Variants in CSPP1 observed in about 807,000 individuals in gnomAD.
CSPP1 encodes centrosome and spindle pole-associated protein 1.
A neutral mutation model predicts 164.4 loss-of-function variants in CSPP1; 126 were observed. The observed-to-expected ratio is 0.77, with a 90% CI of 0.66 to 0.89. CSPP1 has a LOEUF of 0.89. Among genes scored for constraint, CSPP1 ranks in the 40% least tolerant of loss-of-function variants. The pLI, the probability that CSPP1 is intolerant of heterozygous loss-of-function variation, is 0.00. For missense variants in CSPP1, 1,395 were observed against 1,449.8 expected (o/e 0.96, Z 0.61); for synonymous variants, 472 against 476.7 (o/e 0.99, Z 0.13).
intron 24 of CSPP1, among the ~76,000 whole-genome samples, chr8:67,167,186 A>G (rs1177950827): frequency 6.6e-6 from 1 of 152,184 alleles, no homozygotes; most frequent in Non-Finnish European, 1.5e-5. Context: ...CCCCTTTTCT[A>G]TTTGACAAAA....
rs370606990 is a variant in CSPP1 at position 67,193,559 on chromosome 8, A to T, written c.3426A>T (p.Arg1142=). The change falls in exon 30 of 31, where the codon CGA becomes CGT. Residue 1142 remains arginine (R), a synonymous_variant. Coordinates refer to ENST00000678616, the MANE Select transcript of CSPP1 (RefSeq NM_001382391.1). ...AGCTTAGAGTGAGAAATGAGGAACG[A>T]ATGCGAAGACTGAATGAATTTCACA... ...VDELRVRNEE[R]MRRLNEFHNK... The T allele has an allele frequency of 1.2e-6, 2 of 1,613,820 alleles. No homozygotes were observed. Among genetic ancestry groups the T allele is most frequent in the Non-Finnish European group, 1.7e-6 (2 of 1,179,812 alleles).
In CSPP1 at chr8:67,163,861, T is replaced by A. The variant is rs567786179; in HGVS notation, c.2710+63T>A. ...CTCTTTTTAACTTTTCATTTTGAAA[T>A]AATTATAAACTCATAGAAAATTGCA... On this transcript the variant is annotated intron_variant, in intron 23 of 30. Coordinates refer to ENST00000678616, the MANE Select transcript of CSPP1 (RefSeq NM_001382391.1). 291 of 1,310,132 alleles carry A rather than the reference T, an allele frequency of 2.2e-4. 1 individual carries two copies. The South Asian group carries it at 3.5e-3, about 16-fold the overall frequency. 81.2% of individuals were successfully genotyped at this position (1,310,132 alleles called of 1,614,324 possible). A position where few individuals can be genotyped will look rare whatever the true frequency, so the allele number is the denominator to read the frequency against.
In CSPP1 at chr8:67,091,884, G is replaced by C. The variant is rs1355883850; in HGVS notation, c.384+1G>C. The C allele has an allele frequency of 3.1e-6, 4 of 1,308,590 alleles. No homozygotes were observed. The Admixed American group carries it at 6.4e-5, about 21-fold the overall frequency. The allele number at this position is 1,308,590 out of a possible 1,614,324, so 81.1% of individuals were successfully genotyped here. ...TATTGGTGAGAGGTTATCTGCTAAG[G>C]TAGGTGGATAGGAGTAGTTATTGTG... On this transcript the variant is annotated splice_donor_variant, in intron 5 of 30. Transcript: ENST00000678616. LOFTEE classifies it high-confidence loss of function.
intron 16 of CSPP1, 115 bp from the exon 17 acceptor site, chr8:67,137,341 A>T: frequency 1.2e-6 from 1 of 832,534 alleles, no homozygotes; most frequent in Non-Finnish European, 1.7e-6. Context: ...GGGAAAAAAA[A>T]AAAAGCAAAT....
intron 29 of CSPP1, among the ~76,000 whole-genome samples, chr8:67,192,094 A>G (rs1385843735): frequency 7.6e-6 from 1 of 130,740 alleles, no homozygotes; most frequent in East Asian, 2.3e-4. Context: ...TTTTTTTGAT[A>G]CAGAGTCCTG....
At position 67,078,285 on chromosome 8, in the gene CSPP1, G is replaced by A. The variant is rs558499021; in HGVS notation, c.199+1704G>A. On this transcript the variant is annotated intron_variant, in intron 3 of 30. Coordinates refer to ENST00000678616, the MANE Select transcript of CSPP1 (RefSeq NM_001382391.1). ...GTCGTTATGGGCGAAAGTTAAATAC[G>A]TGAAAAGATGGCTGGCACGTAATTG... 3.3e-5 allele frequency among the ~76,000 whole-genome samples: 5 copies of A among 152,120 alleles called. No individual in the cohort carries two copies. In the East Asian group the frequency reaches 7.7e-4, roughly 24 times the overall value.
intron 2 of CSPP1, chr8:67,074,832 C>A (rs2129541413): frequency 3.4e-6 from 1 of 293,404 alleles, no homozygotes; most frequent in South Asian, 2.9e-5. Context: ...CCAGGCAGGA[C>A]TGCAATGGTG....
rs190185362 is a variant in CSPP1, at chr8:67,157,815, C to T, written c.2242-632C>T. On this transcript the variant is annotated intron_variant, in intron 19 of 30. Coordinates refer to ENST00000678616, the MANE Select transcript of CSPP1 (RefSeq NM_001382391.1). Reference sequence around the variant, plus strand: ...TTCAAATCTTAGGCTCTAGAGTACTCAACGCTGCAGACTCCAGGTAGCATT... The same window carrying T: ...TTCAAATCTTAGGCTCTAGAGTACTTAACGCTGCAGACTCCAGGTAGCATT... The T allele has an allele frequency of 8.5e-5, 13 of 152,254 alleles. No individual in the cohort carries two copies. In the East Asian group the frequency reaches 2.5e-3, roughly 29 times the overall value. 9.4% of individuals were successfully genotyped at this position (152,254 alleles called of 1,614,324 possible).
intron 26 of CSPP1, among the ~76,000 whole-genome samples, chr8:67,175,949 C>T (rs1283805605): frequency 2.0e-5 from 3 of 152,170 alleles, no homozygotes; most frequent in Non-Finnish European, 4.4e-5. Context: ...AGGTACTGGC[C>T]TATATCCAGG....
chr8:67,138,156 T>C (rs1228473618), intron 17 of CSPP1, among the ~76,000 whole-genome samples: 2 of 152,342 alleles, frequency 1.3e-5, no homozygotes, highest in Admixed American at 1.3e-4. Context: ...TTTGATCTAG[T>C]AATCACACAA....
chr8:67,073,261 G>T (rs1457071149), intron 1 of CSPP1, among the ~76,000 whole-genome samples: 1 of 152,160 alleles, frequency 6.6e-6, no homozygotes, highest in African/African-American at 2.4e-5. Flanking sequence ...CAAGGGGCAG[G>T]TAAATATCAC....
At chr8:67,105,744 A>G (rs1815367455) in intron 8 of CSPP1, among the ~76,000 whole-genome samples, 161 bp from the exon 9 acceptor site, 1 of 152,202 alleles carries the variant, frequency 6.6e-6, no homozygotes, top group African/African-American at 2.4e-5. Context: ...AAGAGATAGA[A>G]TGCCATGATT....
intron 28 of CSPP1, among the ~76,000 whole-genome samples, chr8:67,180,848 G>A (rs1377837548): frequency 6.6e-6 from 1 of 151,784 alleles, no homozygotes; most frequent in African/African-American, 2.4e-5. Flanking sequence ...AAGGTACCAT[G>A]GGATCTTCTT....
At chr8:67,094,797 G>A (rs928626447) in intron 6 of CSPP1, among the ~76,000 whole-genome samples, 2 of 151,932 alleles carry the variant, frequency 1.3e-5, no homozygotes, top group East Asian at 1.9e-4. Flanking sequence ...AGTGGTTCTG[G>A]GACCCTTTGG....
At position 67,091,785 on chromosome 8, in the gene CSPP1, T is replaced by A. The variant is rs777205372; in HGVS notation, c.304-18T>A. 1.2e-5 allele frequency: 12 copies of A among 993,962 alleles called. No homozygotes were observed. The highest frequency in any genetic ancestry group is 1.7e-5 in the Non-Finnish European group (12 of 723,738). The allele number at this position is 993,962 out of a possible 1,614,324, so 61.6% of individuals were successfully genotyped here. A position where few individuals can be genotyped will look rare whatever the true frequency, so the allele number is the denominator to read the frequency against. On this transcript the variant is annotated intron_variant, in intron 4 of 30. Transcript: ENST00000678616. ...AAGGCAATTAGGTAATATATTTTTTTAATGTGTATATATACAGAAAAATTT... is the reference window on the plus strand; with the variant it reads ...AAGGCAATTAGGTAATATATTTTTTAAATGTGTATATATACAGAAAAATTT...
chr8:67,068,087 G>A (rs187796546), intron 1 of CSPP1, among the ~76,000 whole-genome samples: 10 of 152,254 alleles, frequency 6.6e-5, no homozygotes, highest in Admixed American at 6.5e-4. Flanking sequence ...AACCTCAGGT[G>A]ATCCACTCTC....
intron 8 of CSPP1, among the ~76,000 whole-genome samples, chr8:67,103,560 C>T (rs932325306): frequency 2.6e-5 from 4 of 151,204 alleles, no homozygotes; most frequent in East Asian, 1.9e-4. Flanking sequence ...TTTGGGAAGC[C>T]GATGCAGGCG....
At chr8:67,189,250 C>T (rs565841368) in intron 28 of CSPP1, among the ~76,000 whole-genome samples, 6 of 152,246 alleles carry the variant, frequency 3.9e-5, no homozygotes, top group Admixed American at 2.0e-4. Flanking sequence ...TACAGTTCAG[C>T]GTATACACTC....
At chr8:67,070,858 A>T (rs1030248338) in intron 1 of CSPP1, among the ~76,000 whole-genome samples, 1 of 151,662 alleles carries the variant, frequency 6.6e-6, no homozygotes, top group South Asian at 2.1e-4. Flanking sequence ...AAGTGATCCA[A>T]TCCTCCTGCC....
Sources: gnomAD v4.1 joint callset for allele counts (sites outside exome capture counted in the v4.1 genomes callset) on GRCh38, gnomAD v4.1.1 for gene constraint, MANE v1.5 for transcripts, NCBI Gene and HGNC (gene_info 2026-07-23, HGNC 2026-07-21) for gene names.